The following NWD2 variants were observed in gnomAD, a reference collection of about 807,000 sequenced individuals.
NWD2 encodes the protein NACHT and WD repeat domain-containing protein 2.
A neutral mutation model predicts 132.7 loss-of-function variants in NWD2; 37 were observed. The ratio of observed to expected loss-of-function variants is 0.28; its 90% confidence interval spans 0.21 to 0.37. NWD2 has a LOEUF of 0.37. NWD2 is among the 10% of genes least tolerant of loss of function. NWD2 has a pLI of 1.00. For synonymous variants in NWD2, 705 were observed against 803.0 expected, an observed-to-expected ratio of 0.88 and a Z score of 2.06; for missense variants, 1,592 against 2,122.4, an observed-to-expected ratio of 0.75 and a Z score of 4.91.
chr4:37,263,693 G>C (rs1368390076), intron 1 of NWD2, among the ~76,000 whole-genome samples: 1 of 152,144 alleles, frequency 6.6e-6, no homozygotes, highest in African/African-American at 2.4e-5. Flanking sequence ...ATTTAGTAAA[G>C]TGAGCATGTG....
chr4:37,327,444 G>A (rs1231045015), intron 2 of NWD2, among the ~76,000 whole-genome samples: 4 of 152,158 alleles, frequency 2.6e-5, no homozygotes, highest in African/African-American at 7.2e-5. Flanking sequence ...CAGGTGCACT[G>A]AATCAGCTGA....
At chr4:37,267,628 G>A (rs935076624) in intron 1 of NWD2, among the ~76,000 whole-genome samples, 10 of 151,952 alleles carry the variant, frequency 6.6e-5, no homozygotes, top group African/African-American at 2.4e-4. Context: ...GTCGTGGGCT[G>A]TAAATTTGAA....
chr4:37,335,925 G>A (rs1719397330), intron 2 of NWD2, among the ~76,000 whole-genome samples: 1 of 150,884 alleles, frequency 6.6e-6, no homozygotes, highest in Non-Finnish European at 1.5e-5. Flanking sequence ...CTAAGACCCA[G>A]AAGCTGAGAG....
At chr4:37,396,616 A>T (rs1720796015) in intron 3 of NWD2, among the ~76,000 whole-genome samples, 1 of 152,300 alleles carries the variant, frequency 6.6e-6, no homozygotes, top group South Asian at 2.1e-4. Context: ...ACTGGAGAGG[A>T]TTCTATAAGC....
At chr4:37,273,396 G>A (rs552830937) in intron 1 of NWD2, among the ~76,000 whole-genome samples, 3 of 151,718 alleles carry the variant, frequency 2.0e-5, no homozygotes, top group South Asian at 4.1e-4. Context: ...CTAAATATAT[G>A]TGCACCCAAT....
At chr4:37,390,948 A>G (rs565048543) in intron 3 of NWD2, among the ~76,000 whole-genome samples, 1 of 152,328 alleles carries the variant, frequency 6.6e-6, no homozygotes, top group Admixed American at 6.5e-5. Context: ...TTTATATTTC[A>G]ATAAAGTTGC....
intron 4 of NWD2, 135 bp from the exon 5 acceptor site, chr4:37,433,741 T>C: frequency 1.7e-6 from 1 of 598,818 alleles, no homozygotes; most frequent in Non-Finnish European, 2.8e-6. Flanking sequence ...GAGATTAAAT[T>C]AGACACTGTC....
chr4:37,244,772 A>C lies in NWD2; in HGVS notation c.-296A>C. The stretch of plus-strand genomic sequence containing the variant: ...GGGCGCTGCGCGCGTAGCCGCCGCC[A>C]CGCTGACCTCCCGCTCCAGCTGGCT... On this transcript the variant is annotated 5_prime_UTR_variant, in exon 1 of 7. Transcript: ENST00000309447. The surrounding 1 kb of genome is among the most constrained non-coding windows in gnomAD (Gnocchi z 5.5). 1 of 332,282 alleles carries C rather than the reference A, an allele frequency of 3.0e-6. No individual in the cohort carries two copies. The allele number at this position is 332,282 out of a possible 1,614,324, so 20.6% of individuals were successfully genotyped here.
chr4:37,357,790 A>G (rs1039012136), intron 3 of NWD2, among the ~76,000 whole-genome samples: 4 of 152,238 alleles, frequency 2.6e-5, no homozygotes, highest in African/African-American at 9.6e-5. Flanking sequence ...AAGAAAAGAG[A>G]GAATACCAGC....
chr4:37,352,006 CCT>C (rs2109299105), intron 2 of NWD2, among the ~76,000 whole-genome samples: 1 of 152,280 alleles, frequency 6.6e-6, no homozygotes, highest in East Asian at 1.9e-4. Flanking sequence ...GTTTCATAAT[CCT>C]GAGTTCTAAT....
rs1712557453 is a variant in NWD2, at chr4:37,443,945, T to C, written c.1957T>C (p.Cys653Arg). 1 of 1,552,284 alleles carries C rather than the reference T, an allele frequency of 6.4e-7. No homozygotes were observed. The highest frequency in any genetic ancestry group is 8.7e-7 in the Non-Finnish European group (1 of 1,147,130). ...GTTATTCTGGTCCTTGGAGAAGAAG[T>C]GTGGTCAGAAACTGGTCTCTAGGGC... is the stretch of plus-strand genomic sequence containing the variant. ...EQLFWSLEKK[C>R]GQKLVSRALG... is the part of the protein sequence containing the mutation. Residue 653 changes from cysteine to arginine, a missense_variant, in exon 7 of 7, where the codon TGT becomes CGT. Physicochemically the swap from Cys to Arg is radical, Grantham distance 180. Coordinates refer to ENST00000309447, the MANE Select transcript of NWD2 (RefSeq NM_001144990.2). This position sits in a 1 kb window ranked among gnomAD's most constrained non-coding sequence, Gnocchi z 4.1.
chr4:37,391,007 T>C (rs1220257847), intron 3 of NWD2, among the ~76,000 whole-genome samples: 1 of 152,236 alleles, frequency 6.6e-6, no homozygotes, highest in East Asian at 1.9e-4. Flanking sequence ...AATTAGATTC[T>C]GTGTCTCAAC....
intron 2 of NWD2, among the ~76,000 whole-genome samples, chr4:37,337,922 C>A (rs1316463620): frequency 1.3e-5 from 2 of 152,174 alleles, no homozygotes; most frequent in African/African-American, 4.8e-5. Flanking sequence ...TCCATTCTTT[C>A]ATCCTTTAAA....
At chr4:37,318,825 C>T (rs1419057420) in intron 1 of NWD2, among the ~76,000 whole-genome samples, 1 of 152,130 alleles carries the variant, frequency 6.6e-6, no homozygotes, top group Non-Finnish European at 1.5e-5. Context: ...TATTTTATAA[C>T]TGCATAGTAT....
At chr4:37,291,460 A>G (rs2117648) in intron 1 of NWD2, among the ~76,000 whole-genome samples, 44,235 of 152,004 alleles carry the variant, frequency 0.29, 7,248 homozygotes, top group Middle Eastern at 0.38. Context: ...ATTTACTTTT[A>G]GTATAATGGA....
At chr4:37,326,088 T>C in intron 2 of NWD2, 64 bp downstream of exon 2, 1 of 1,089,130 alleles carries the variant, frequency 9.2e-7, no homozygotes, top group East Asian at 2.7e-5. Flanking sequence ...TTGTTTCTTG[T>C]CACAACTTGA....
At chr4:37,413,117 A>C (rs1721195242) in intron 3 of NWD2, among the ~76,000 whole-genome samples, 1 of 152,238 alleles carries the variant, frequency 6.6e-6, no homozygotes, top group African/African-American at 2.4e-5. Context: ...CAAAATTGAC[A>C]AATGGGATCT....
chr4:37,401,727 T>C (rs978634053), intron 3 of NWD2, among the ~76,000 whole-genome samples: 12 of 152,212 alleles, frequency 7.9e-5, no homozygotes, highest in African/African-American at 2.4e-4. Flanking sequence ...TACTTTCTTT[T>C]CTAGAACAAG....
chr4:37,433,958 T>C lies in NWD2; in HGVS notation c.644T>C (p.Val215Ala). Reference sequence around the variant, plus strand: ...ATCAAGAAGATATTTAAGGCTGCTGTAAAGCTGTTACACGAAAAGGGTAAA... The same window carrying C: ...ATCAAGAAGATATTTAAGGCTGCTGCAAAGCTGTTACACGAAAAGGGTAAA... ...DEIKKIFKAA[V>A]KLLHEKGKMK... Residue 215 changes from valine to alanine, a missense_variant, in exon 5 of 7, where the codon GTA becomes GCA. Val to Ala is a moderately conservative substitution (Grantham distance 64). Around this residue, in one of 7 missense-constraint regions of NWD2, gnomAD observed 144 missense variants for 185.7 expected, o/e 0.78. Transcript: ENST00000309447. 1 of 1,550,860 alleles carries C rather than the reference T, an allele frequency of 6.4e-7. No homozygotes were observed. Among genetic ancestry groups the C allele is most frequent in the Non-Finnish European group, 8.7e-7 (1 of 1,146,414 alleles).
Sources: gnomAD v4.1 joint callset for allele counts (sites outside exome capture counted in the v4.1 genomes callset) on GRCh38, gnomAD v4.1.1 for gene constraint, gnomAD v4.1.1 regional missense constraint, Gnocchi (gnomAD v3.1) non-coding constraint, MANE v1.5 for transcripts, NCBI Gene and HGNC (gene_info 2026-07-23, HGNC 2026-07-21) for gene names.